The following OCA2 variants were observed in gnomAD, a reference collection of about 807,000 sequenced individuals.
OCA2 encodes the protein OCA2 melanosomal transmembrane protein.
In OCA2, 77 loss-of-function variants were observed where a neutral mutation model predicts 100.2. That is an observed-to-expected ratio of 0.77 (90% CI 0.64 to 0.93). OCA2 has a LOEUF of 0.93. Ranked by LOEUF, OCA2 falls within the 40% of genes least tolerant of loss-of-function variation. The pLI is 0.00. For missense variants in OCA2, 1,062 were observed against 1,089.1 expected (o/e 0.98, Z 0.35); for synonymous variants, 432 against 439.2 (o/e 0.98, Z 0.21).
intron 9 of OCA2, among the ~76,000 whole-genome samples, chr15:28,009,389 A>T (rs150582589): frequency 2.7e-5 from 4 of 150,490 alleles, no homozygotes; most frequent in Non-Finnish European, 5.9e-5. Context: ...TGAGTCATTT[A>T]AAAAAAAGTC....
At chr15:28,029,419 C>T (rs2042849718) in intron 3 of OCA2, among the ~76,000 whole-genome samples, 1 of 151,958 alleles carries the variant, frequency 6.6e-6, no homozygotes, top group African/African-American at 2.4e-5. Context: ...CAAAAAAAAA[C>T]CTTTTCTTAT....
intron 7 of OCA2, among the ~76,000 whole-genome samples, chr15:28,016,487 A>C (rs769526363): frequency 1.2e-4 from 18 of 152,232 alleles, no homozygotes; most frequent in Non-Finnish European, 2.2e-4. Context: ...ATACGAGAAA[A>C]AGAAATCATG....
At chr15:27,937,493 G>T (rs1392859125) in intron 18 of OCA2, among the ~76,000 whole-genome samples, 1 of 152,184 alleles carries the variant, frequency 6.6e-6, no homozygotes, top group Admixed American at 6.5e-5. Flanking sequence ...ATTTTCAAAA[G>T]TCATTGTACA....
At chr15:27,723,994 G>A in the OCA2 span, among the ~76,000 whole-genome samples, 6 of 152,120 alleles carry the variant, frequency 3.9e-5, no homozygotes, top group African/African-American at 1.4e-4. Context: ...GTCCCAGTGG[G>A]ACCCTGTGTT....
chr15:28,019,513 C>A (rs376720462), intron 6 of OCA2, among the ~76,000 whole-genome samples: 1 of 152,094 alleles, frequency 6.6e-6, no homozygotes, highest in Non-Finnish European at 1.5e-5. Context: ...ACTACCGAAC[C>A]GACACCGCCT....
chr15:27,943,978 C>T (rs1313064418), intron 18 of OCA2, among the ~76,000 whole-genome samples: 1 of 152,180 alleles, frequency 6.6e-6, no homozygotes, highest in Non-Finnish European at 1.5e-5. Context: ...CTCAGGATCT[C>T]CTGGAGTGGT....
Position 28,016,125 on chromosome 15 carries a change from C to T in OCA2, c.869G>A (p.Arg290Lys), listed in dbSNP as rs1463893944. Residue 290 changes from arginine (R) to lysine (K), a missense_variant, in exon 8 of 24, where the codon AGG becomes AAG. Coordinates refer to ENST00000354638, the MANE Select transcript of OCA2 (RefSeq NM_000275.3). ...PRRSEHSVMS[R>K]TFEVLTRETV... ...TCACCTGGTCAGTACCTCAAAGGTC[C>T]TGCTCATCACTGAGTGCTCGCTTCT... The T allele has an allele frequency of 8.1e-6, 13 of 1,614,038 alleles. No homozygotes were observed. The highest frequency in any genetic ancestry group is 1.1e-5 in the Non-Finnish European group (13 of 1,180,006).
intron 23 of OCA2, among the ~76,000 whole-genome samples, chr15:27,794,493 G>A (rs1478567542): frequency 6.6e-6 from 1 of 152,172 alleles, no homozygotes; most frequent in Non-Finnish European, 1.5e-5. Flanking sequence ...CTGTAGCCAT[G>A]CATATCTTTG....
Position 28,032,148 on chromosome 15 carries a change from C to T in OCA2, c.243G>A (p.Leu81=). The T allele has an allele frequency of 6.2e-7, 1 of 1,613,476 alleles. No individual in the cohort carries two copies. The highest frequency in any genetic ancestry group is 1.1e-5 in the South Asian group (1 of 91,058). The change falls in exon 3 of 24, where the codon TTG becomes TTA. Residue 81 remains leucine, a synonymous_variant. Coordinates refer to ENST00000354638, the MANE Select transcript of OCA2 (RefSeq NM_000275.3). ...TAGACCTGGAGCTGGACATCTGGGG[C>T]AAAGAAGAGTGAGACCTGAAAGAGA... is the stretch of plus-strand genomic sequence containing the variant. ...FLTKGRSHSS[L]PQMSSSRSKD...
intron 4 of OCA2, among the ~76,000 whole-genome samples, chr15:28,025,624 C>T (rs998369569): frequency 2.6e-5 from 4 of 152,252 alleles, no homozygotes; most frequent in African/African-American, 9.6e-5. Flanking sequence ...CTGCAGTCCT[C>T]CTGTCATGCC....
At chr15:28,082,935 T>G (rs1007697195) in intron 1 of OCA2, among the ~76,000 whole-genome samples, 2 of 152,140 alleles carry the variant, frequency 1.3e-5, no homozygotes, top group East Asian at 3.9e-4. Flanking sequence ...ACCATTTTAT[T>G]TTTTGCATTT....
intron 7 of OCA2, among the ~76,000 whole-genome samples, chr15:28,017,650 G>A (rs1447851827): frequency 6.6e-6 from 1 of 152,188 alleles, no homozygotes; most frequent in Non-Finnish European, 1.5e-5. Context: ...TGCTCTACAA[G>A]GCAGGAAAAG....
chr15:28,088,636 G>A (rs1160179553), intron 1 of OCA2, among the ~76,000 whole-genome samples: 1 of 152,154 alleles, frequency 6.6e-6, no homozygotes, highest in Admixed American at 6.5e-5. Context: ...GACATCACAT[G>A]TCGGTAGGTT....
At chr15:27,979,786 G>A (rs1410606445) in intron 14 of OCA2, among the ~76,000 whole-genome samples, 4 of 149,376 alleles carry the variant, frequency 2.7e-5, no homozygotes, top group Admixed American at 6.7e-5. Context: ...TGCAACCTCC[G>A]CCTCCTGGGT....
intron 18 of OCA2, among the ~76,000 whole-genome samples, chr15:27,946,356 CT>C (rs2039835322): frequency 1.3e-5 from 2 of 152,174 alleles, no homozygotes; most frequent in South Asian, 2.1e-4. Flanking sequence ...GAAAACCTAA[CT>C]TAATAGTATG....
chr15:27,872,715 A>G (rs1342713343), intron 19 of OCA2, among the ~76,000 whole-genome samples: 3 of 147,626 alleles, frequency 2.0e-5, no homozygotes, highest in African/African-American at 7.5e-5. Context: ...TTTGAGACAG[A>G]GTCTTGCTCT....
intron 17 of OCA2, among the ~76,000 whole-genome samples, chr15:27,954,903 C>G (rs562239377): frequency 2.0e-5 from 3 of 152,192 alleles, no homozygotes; most frequent in Admixed American, 2.0e-4. Flanking sequence ...GCTCAGAGGG[C>G]GGGCCCTGCA....
chr15:27,726,270 C>T, the OCA2 span, among the ~76,000 whole-genome samples: 2 of 151,702 alleles, frequency 1.3e-5, no homozygotes, highest in African/African-American at 4.8e-5. Flanking sequence ...TACACTCTAG[C>T]CTGGGCGACA....
intron 18 of OCA2, among the ~76,000 whole-genome samples, chr15:27,940,327 C>G (rs1562591): frequency 0.19 from 28,197 of 152,202 alleles, 2,955 homozygotes; most frequent in South Asian, 0.37. Context: ...CTACTGGACC[C>G]CCAGAAAGGT....
Sources: gnomAD v4.1 joint callset for allele counts (sites outside exome capture counted in the v4.1 genomes callset) on GRCh38, gnomAD v4.1.1 for gene constraint, MANE v1.5 for transcripts, NCBI Gene and HGNC (gene_info 2026-07-23, HGNC 2026-07-21) for gene names.